CTDSPL2: variants seen among roughly 807,000 people sequenced by gnomAD.
CTDSPL2 encodes the protein CTD small phosphatase-like protein 2.
A neutral mutation model predicts 60.0 loss-of-function variants in CTDSPL2; 5 were observed. The observed-to-expected ratio is 0.08, with a 90% CI of 0.04 to 0.18. The LOEUF (loss-of-function observed/expected upper bound fraction) is 0.18, where lower values mean the gene tolerates loss of function less well. Among genes scored for constraint, CTDSPL2 ranks in the 10% least tolerant of loss-of-function variants. CTDSPL2 has a pLI of 1.00. For synonymous variants in CTDSPL2, 186 were observed against 189.3 expected (o/e 0.98, Z 0.14); for missense variants, 370 against 548.8 (o/e 0.67, Z 3.26).
At chr15:44,439,216 T>A (rs2080034353) in intron 1 of CTDSPL2, among the ~76,000 whole-genome samples, 1 of 152,018 alleles carries the variant, frequency 6.6e-6, no homozygotes, top group African/African-American at 2.4e-5. Flanking sequence ...TGGCGTGATC[T>A]CGTCTCACTA....
At chr15:44,509,876 A>T (rs1372940559) in intron 8 of CTDSPL2, among the ~76,000 whole-genome samples, 5 of 151,970 alleles carry the variant, frequency 3.3e-5, no homozygotes, top group Admixed American at 6.6e-5. Context: ...CAGTGAGCTG[A>T]GACCACACCA....
In CTDSPL2 at chr15:44,486,121, C is replaced by T. The variant is rs534318681; in HGVS notation, c.326-430C>T. Among the ~76,000 whole-genome samples the T allele has an allele frequency of 1.7e-3, 256 of 152,226 alleles. 1 individual carries two copies. Among genetic ancestry groups the T allele is most frequent in the African/African-American group, 6.0e-3 (248 of 41,538 alleles). ...AGAGTTATGTTGCCTCTATTCATTT[C>T]GCTGTCATTCATTAGATAGAAGCAG... On this transcript the variant is annotated intron_variant, in intron 3 of 12. Transcript: ENST00000260327.
rs1049795497 is a variant in CTDSPL2, at chr15:44,456,007, C to T, written c.-24-2984C>T. ...CTGGGACTACAGGCGCCCGCCACCT[C>T]GCCCGGCTAATTTTTTGTATTTTTA... On this transcript the variant is annotated intron_variant, in intron 1 of 12. Coordinates refer to ENST00000260327, the MANE Select transcript of CTDSPL2 (RefSeq NM_016396.3). Among the ~76,000 whole-genome samples, 5 of 151,370 alleles carry T rather than the reference C, an allele frequency of 3.3e-5. No homozygotes were observed. The East Asian group carries it at 7.8e-4, about 24-fold the overall frequency.
At chr15:44,486,774 T>C in intron 4 of CTDSPL2, 74 bp downstream of exon 4, 2 of 1,183,820 alleles carry the variant, frequency 1.7e-6, no homozygotes, top group Non-Finnish European at 1.2e-6. Flanking sequence ...TTTTTTTTTT[T>C]TTCTTGAGAC....
In CTDSPL2 at chr15:44,490,876, A is replaced by G; in HGVS notation, c.568A>G (p.Ser190Gly). The change falls in exon 5 of 13, where the codon AGT becomes GGT. Residue 190 changes from serine to glycine, a missense_variant. Around this residue, in one of 6 missense-constraint regions of CTDSPL2, gnomAD observed 287 missense variants for 296.1 expected, o/e 0.97. Transcript: ENST00000260327. ...GGAACAGGTGGATGAGATCACTACC[A>G]GTACTACTACATCAACTAATGGAGC... ...DMEQVDEITT[S>G]TTTSTNGAAY... 6.2e-7 allele frequency: 1 copy of G among 1,613,890 alleles called. No individual in the cohort carries two copies. The highest frequency in any genetic ancestry group is 1.1e-5 in the South Asian group (1 of 91,078).
At chr15:44,439,545 G>A (rs543863475) in intron 1 of CTDSPL2, among the ~76,000 whole-genome samples, 5 of 145,168 alleles carry the variant, frequency 3.4e-5, no homozygotes, top group Admixed American at 2.8e-4. Flanking sequence ...GTTTTTTTTG[G>A]GGGGGGGGGA....
intron 2 of CTDSPL2, among the ~76,000 whole-genome samples, chr15:44,459,804 T>C (rs544032126): frequency 6.6e-6 from 1 of 152,250 alleles, no homozygotes; most frequent in South Asian, 2.1e-4. Flanking sequence ...AAAAAGTTTC[T>C]TGTTAATATT....
At chr15:44,457,815 T>C (rs946550391) in intron 1 of CTDSPL2, among the ~76,000 whole-genome samples, 1 of 152,222 alleles carries the variant, frequency 6.6e-6, no homozygotes, top group African/African-American at 2.4e-5. Context: ...TTTCTCCATG[T>C]TGGCCAGGCT....
At chr15:44,433,553 G>C (rs2079908118) in intron 1 of CTDSPL2, among the ~76,000 whole-genome samples, 1 of 151,812 alleles carries the variant, frequency 6.6e-6, no homozygotes, top group Non-Finnish European at 1.5e-5. Flanking sequence ...CACGATCTCA[G>C]CTCACTGCAA....
chr15:44,441,423 A>AT (rs1296463586), intron 1 of CTDSPL2, among the ~76,000 whole-genome samples: 3 of 152,142 alleles, frequency 2.0e-5, no homozygotes, highest in Admixed American at 2.0e-4. Context: ...CCATGTTCGC[A>AT]TATTGTGAGC....
At chr15:44,515,125 G>A (rs2081627949) in intron 10 of CTDSPL2, among the ~76,000 whole-genome samples, 1 of 152,078 alleles carries the variant, frequency 6.6e-6, no homozygotes, top group African/African-American at 2.4e-5. Context: ...GGGGGGTTGT[G>A]TGGAATTTTT....
intron 8 of CTDSPL2, among the ~76,000 whole-genome samples, chr15:44,511,065 C>G (rs922220936): frequency 3.3e-5 from 5 of 152,164 alleles, no homozygotes; most frequent in Non-Finnish European, 5.9e-5. Flanking sequence ...CAGTACCTTT[C>G]TACGTTTCTT....
intron 2 of CTDSPL2, chr15:44,470,492 G>A (rs959061706): frequency 6.6e-6 from 1 of 151,172 alleles, no homozygotes; most frequent in Non-Finnish European, 1.5e-5. Flanking sequence ...CTGTCACCCT[G>A]GCTGGAGTGC....
At chr15:44,517,788 T>G (rs897781337) in intron 10 of CTDSPL2, among the ~76,000 whole-genome samples, 1 of 152,262 alleles carries the variant, frequency 6.6e-6, no homozygotes, top group African/African-American at 2.4e-5. Flanking sequence ...TGTATCTGCC[T>G]TTCCAGTTTC....
chr15:44,486,730 A>T, intron 4 of CTDSPL2, 30 bp downstream of exon 4: 14 of 1,247,368 alleles, frequency 1.1e-5, no homozygotes, highest in South Asian at 1.6e-5. Flanking sequence ...TGTGATTTGG[A>T]TTTTTTTTAA....
intron 3 of CTDSPL2, among the ~76,000 whole-genome samples, chr15:44,485,059 A>C (rs2081093878): frequency 6.6e-6 from 1 of 152,182 alleles, no homozygotes; most frequent in South Asian, 2.1e-4. Context: ...GTAGGTTTCA[A>C]CTAGGGGTGA....
chr15:44,441,416 T>C (rs575096245), intron 1 of CTDSPL2, among the ~76,000 whole-genome samples: 1 of 152,324 alleles, frequency 6.6e-6, no homozygotes, highest in South Asian at 2.1e-4. Flanking sequence ...TTCAGTCCCA[T>C]GTTCGCATAT....
chr15:44,490,710 C>A, intron 4 of CTDSPL2, 74 bp from the exon 5 acceptor site: 1 of 1,060,262 alleles, frequency 9.4e-7, no homozygotes, highest in Non-Finnish European at 1.5e-6. Flanking sequence ...ATATATTGTA[C>A]GGTGATGCTG....
At chr15:44,493,956 A>G (rs2081256969) in intron 5 of CTDSPL2, among the ~76,000 whole-genome samples, 1 of 152,190 alleles carries the variant, frequency 6.6e-6, no homozygotes, top group East Asian at 1.9e-4. Flanking sequence ...TCCATTGGAC[A>G]TACACACCAC....
Sources: allele counts gnomAD v4.1 joint callset (sites outside exome capture counted in the v4.1 genomes callset), GRCh38; gene constraint gnomAD v4.1.1; regional missense constraint gnomAD v4.1.1; transcripts MANE v1.5; gene names NCBI Gene and HGNC (gene_info 2026-07-23, HGNC 2026-07-21).